The following MAP4K5 variants were observed in gnomAD, a reference collection of about 807,000 sequenced individuals.
MAP4K5 encodes the protein mitogen-activated protein kinase kinase kinase kinase 5.
Under a neutral mutation model 135.6 loss-of-function variants are expected in MAP4K5, and 82 were observed. The observed-to-expected ratio is 0.60, with a 90% CI of 0.51 to 0.73. The LOEUF (loss-of-function observed/expected upper bound fraction) is 0.73, where lower values mean the gene tolerates loss of function less well. Ranked by LOEUF, MAP4K5 falls within the 30% of genes least tolerant of loss-of-function variation. The pLI is 0.00. For synonymous variants in MAP4K5, 347 were observed against 335.0 expected (o/e 1.04, Z -0.39); for missense variants, 907 against 1,010.9 (o/e 0.90, Z 1.39).
At chr14:50,493,775 G>A (rs1037591369) in intron 3 of MAP4K5, among the ~76,000 whole-genome samples, 2 of 152,058 alleles carry the variant, frequency 1.3e-5, no homozygotes, top group African/African-American at 4.8e-5. Context: ...ATCGCCTGAG[G>A]TCAGGAGTTA....
intron 2 of MAP4K5, among the ~76,000 whole-genome samples, chr14:50,505,522 A>C (rs1443400301): frequency 6.6e-6 from 1 of 152,198 alleles, no homozygotes; most frequent in Non-Finnish European, 1.5e-5. Flanking sequence ...CTAGAAGAGA[A>C]ACTATTTACT....
chr14:50,465,799 C>T (rs2036819055), intron 11 of MAP4K5, among the ~76,000 whole-genome samples: 2 of 151,944 alleles, frequency 1.3e-5, no homozygotes, highest in Non-Finnish European at 2.9e-5. Context: ...AACACTGGGC[C>T]GGGTGAGGTG....
At chr14:50,526,137 T>C (rs1254010330) in intron 2 of MAP4K5, among the ~76,000 whole-genome samples, 1 of 152,172 alleles carries the variant, frequency 6.6e-6, no homozygotes. Flanking sequence ...ACTGGTCTTC[T>C]TTTAAAAATC....
At chr14:50,559,691 T>G (rs2038810336) in intron 1 of MAP4K5, 1 of 153,680 alleles carries the variant, frequency 6.5e-6, no homozygotes, top group East Asian at 1.9e-4. Flanking sequence ...TCAGTATACA[T>G]ATACAAAAAT....
chr14:50,423,260 T>C, intron 31 of MAP4K5, 84 bp from the exon 32 acceptor site: 1 of 596,720 alleles, frequency 1.7e-6, no homozygotes, highest in Non-Finnish European at 3.0e-6. Flanking sequence ...GAGCAATTAT[T>C]AACACAATAA....
At chr14:50,446,333 A>G (rs940746187) in intron 16 of MAP4K5, among the ~76,000 whole-genome samples, 3 of 152,222 alleles carry the variant, frequency 2.0e-5, no homozygotes, top group Non-Finnish European at 4.4e-5. Context: ...AAGTGGACAC[A>G]AAGTCTTATT....
At chr14:50,456,751 G>A in intron 13 of MAP4K5, 157 bp from the exon 14 acceptor site, 1 of 569,636 alleles carries the variant, frequency 1.8e-6, no homozygotes, top group East Asian at 3.0e-5. Flanking sequence ...TACTTCGGAA[G>A]TTTTTTCACT....
chr14:50,444,175 T>C (rs1595443513), intron 18 of MAP4K5, 139 bp from the exon 19 acceptor site: 2 of 655,562 alleles, frequency 3.1e-6, no homozygotes, highest in East Asian at 5.4e-5. Context: ...TCAGGTAAGT[T>C]ATCTTTGGTG....
chr14:50,444,587 GA>G (rs988728598), intron 18 of MAP4K5, among the ~76,000 whole-genome samples: 13 of 148,926 alleles, frequency 8.7e-5, no homozygotes, highest in East Asian at 5.9e-4. Context: ...CATCTCTACA[GA>G]AAAAAAAAAT....
chr14:50,475,279 A>C, intron 8 of MAP4K5, 130 bp from the exon 9 acceptor site: 1 of 670,158 alleles, frequency 1.5e-6, no homozygotes. Context: ...TAAATTGAAT[A>C]CCTAAATCTC....
At chr14:50,478,958 T>C (rs534252154) in intron 6 of MAP4K5, among the ~76,000 whole-genome samples, 5 of 152,168 alleles carry the variant, frequency 3.3e-5, no homozygotes, top group African/African-American at 1.2e-4. Flanking sequence ...TAAGATGTTC[T>C]AATCAAATAA....
chr14:50,455,928 T>C (rs1315042784), intron 14 of MAP4K5, among the ~76,000 whole-genome samples: 1 of 152,130 alleles, frequency 6.6e-6, no homozygotes, highest in Non-Finnish European at 1.5e-5. Flanking sequence ...CTGTCAATGA[T>C]TATTAAATTA....
chr14:50,447,716 A>T (rs1428744413), intron 15 of MAP4K5, among the ~76,000 whole-genome samples: 1 of 152,210 alleles, frequency 6.6e-6, no homozygotes, highest in East Asian at 1.9e-4. Flanking sequence ...TTCAAATGTG[A>T]CAAACCTTCT....
intron 3 of MAP4K5, among the ~76,000 whole-genome samples, chr14:50,495,730 AAAGG>A (rs560985621): frequency 6.6e-4 from 101 of 152,358 alleles, no homozygotes; most frequent in African/African-American, 2.3e-3. Flanking sequence ...GCAGACTTAA[AAAGG>A]AAGGAAATCC....
chr14:50,505,793 A>T (rs1438699768), intron 2 of MAP4K5, among the ~76,000 whole-genome samples: 1 of 152,232 alleles, frequency 6.6e-6, no homozygotes, highest in Non-Finnish European at 1.5e-5. Context: ...AAATTAAATG[A>T]TTATAACATA....
chr14:50,496,556 T>G lies in MAP4K5; in HGVS notation c.166+8244A>C, dbSNP rs370706590. 7.2e-5 allele frequency among the ~76,000 whole-genome samples: 11 copies of G among 152,196 alleles called. No individual in the cohort carries two copies. The East Asian group carries it at 7.7e-4, about 11-fold the overall frequency. On this transcript the variant is annotated intron_variant, in intron 3 of 32. Transcript: ENST00000682126. ...CAGGATTTCATTCTGTTGCCCATGG[T>G]GCAACGCAGTGATGTGAACATGGTT...
chr14:50,528,129 A>C (rs2038307248), intron 2 of MAP4K5, among the ~76,000 whole-genome samples: 1 of 151,996 alleles, frequency 6.6e-6, no homozygotes, highest in Admixed American at 6.6e-5. Context: ...CATCCACCAA[A>C]TTCCTTTTCT....
At chr14:50,523,423 G>A (rs1316743753) in intron 2 of MAP4K5, among the ~76,000 whole-genome samples, 2 of 152,180 alleles carry the variant, frequency 1.3e-5, no homozygotes, top group Non-Finnish European at 2.9e-5. Context: ...CTGCCCCTAA[G>A]CTTAGAATTC....
intron 9 of MAP4K5, among the ~76,000 whole-genome samples, chr14:50,470,692 T>C (rs1237418661): frequency 4.7e-5 from 7 of 150,222 alleles, no homozygotes; most frequent in African/African-American, 7.4e-5. Context: ...ACACACACCT[T>C]TTATAAAATG....
Sources: gnomAD v4.1 joint callset for allele counts (sites outside exome capture counted in the v4.1 genomes callset) on GRCh38, gnomAD v4.1.1 for gene constraint, MANE v1.5 for transcripts, NCBI Gene and HGNC (gene_info 2026-07-23, HGNC 2026-07-21) for gene names.